Variants in SRGAP3 observed in about 807,000 individuals in gnomAD.
The protein encoded by SRGAP3 is SLIT-ROBO Rho GTPase activating protein 3, also known as SLIT-ROBO Rho GTPase-activating protein 3.
SRGAP3 carries 39 observed loss-of-function variants against 121.1 expected under a neutral mutation model. The observed-to-expected ratio is 0.32, with a 90% CI of 0.25 to 0.42. SRGAP3 has a LOEUF of 0.42. Among genes scored for constraint, SRGAP3 ranks in the 10% least tolerant of loss-of-function variants. The pLI, the probability that SRGAP3 is intolerant of heterozygous loss-of-function variation, is 1.00. For synonymous variants in SRGAP3, 601 were observed against 570.0 expected (o/e 1.05, Z -0.77); for missense variants, 1,213 against 1,470.6 (o/e 0.82, Z 2.86).
intron 1 of SRGAP3, among the ~76,000 whole-genome samples, chr3:9,343,168 A>G (rs1021052077): frequency 6.6e-6 from 1 of 152,238 alleles, no homozygotes. Flanking sequence ...ATGTCCATTA[A>G]CGTAGCTAAA....
intron 3 of SRGAP3, among the ~76,000 whole-genome samples, chr3:9,101,641 C>T (rs2124901856): frequency 6.6e-6 from 1 of 152,300 alleles, no homozygotes; most frequent in Middle Eastern, 3.4e-3. Context: ...GCAGAGTTGC[C>T]GAAAGAGTTG....
intron 5 of SRGAP3, among the ~76,000 whole-genome samples, chr3:9,061,029 CAAG>C (rs1191058671): frequency 6.6e-6 from 1 of 152,186 alleles, no homozygotes; most frequent in Non-Finnish European, 1.5e-5. Context: ...GTTAGGAGAG[CAAG>C]ACCAGCCTGG....
intron 3 of SRGAP3, among the ~76,000 whole-genome samples, chr3:9,299,347 G>A (rs557872515): frequency 2.7e-3 from 384 of 140,740 alleles, no homozygotes; most frequent in Middle Eastern, 7.6e-3. Context: ...GTGGCAGAGC[G>A]AGACTCCGTC....
At chr3:9,001,856 A>C (rs990876924) in intron 18 of SRGAP3, among the ~76,000 whole-genome samples, 8 of 152,194 alleles carry the variant, frequency 5.3e-5, no homozygotes, top group Non-Finnish European at 4.4e-5. Flanking sequence ...TTGATCTATC[A>C]AGATAAAAAC....
intron 18 of SRGAP3, among the ~76,000 whole-genome samples, chr3:8,995,760 A>G (rs1942362661): frequency 6.6e-6 from 1 of 152,210 alleles, no homozygotes; most frequent in Admixed American, 6.5e-5. Flanking sequence ...CTACCCTAAG[A>G]AGTGTCCATA....
chr3:9,102,545 T>C (rs562559547), intron 3 of SRGAP3, among the ~76,000 whole-genome samples: 2 of 152,332 alleles, frequency 1.3e-5, no homozygotes, highest in South Asian at 2.1e-4. Context: ...ACTATTATTA[T>C]GTAAAGAGTG....
chr3:9,016,337 T>G (rs2125041975), intron 14 of SRGAP3, among the ~76,000 whole-genome samples: 1 of 152,350 alleles, frequency 6.6e-6, no homozygotes, highest in Non-Finnish European at 1.5e-5. Flanking sequence ...TTTTGTTTGC[T>G]AGTTTGTTTT....
chr3:9,036,897 C>G (rs2662088), intron 11 of SRGAP3: 1 of 152,066 alleles, frequency 6.6e-6, no homozygotes, highest in Non-Finnish European at 1.5e-5. Context: ...TCTGCCGCCC[C>G]GTGTGCTGGA....
chr3:9,052,983 T>G, intron 9 of SRGAP3, 44 bp downstream of exon 9: 1 of 1,602,764 alleles, frequency 6.2e-7, no homozygotes, highest in Non-Finnish European at 8.5e-7. Flanking sequence ...TCACTGCCAG[T>G]GGCTTGGCCG....
At chr3:9,135,400 GAA>G (rs1462698916) in intron 1 of SRGAP3, among the ~76,000 whole-genome samples, 2 of 152,168 alleles carry the variant, frequency 1.3e-5, no homozygotes, top group Non-Finnish European at 2.9e-5. Flanking sequence ...CTCCCCTCAA[GAA>G]AACATGATGA....
chr3:9,076,974 T>C (rs867778155), intron 4 of SRGAP3, among the ~76,000 whole-genome samples: 11 of 152,190 alleles, frequency 7.2e-5, no homozygotes, highest in Admixed American at 7.2e-4. Flanking sequence ...ATTATTATTA[T>C]TATTATACTT....
chr3:9,165,480 C>G (rs1294166657), intron 1 of SRGAP3, among the ~76,000 whole-genome samples: 1 of 152,242 alleles, frequency 6.6e-6, no homozygotes, highest in Non-Finnish European at 1.5e-5. Flanking sequence ...TTTCCGATTC[C>G]TTTCTGATCT....
intron 3 of SRGAP3, among the ~76,000 whole-genome samples, chr3:9,264,105 A>T (rs984916965): frequency 2.4e-4 from 36 of 152,194 alleles, no homozygotes; most frequent in African/African-American, 8.4e-4. Context: ...CATAAACAGA[A>T]CCAATGACAA....
chr3:9,206,194 T>TA (rs899126703), intron 1 of SRGAP3, among the ~76,000 whole-genome samples: 20 of 151,976 alleles, frequency 1.3e-4, no homozygotes, highest in African/African-American at 4.6e-4. Flanking sequence ...AGAAAAGCTG[T>TA]AAAAAAAATG....
chr3:9,187,692 C>T (rs1352417582), intron 1 of SRGAP3, among the ~76,000 whole-genome samples: 5 of 152,306 alleles, frequency 3.3e-5, no homozygotes, highest in African/African-American at 1.2e-4. Flanking sequence ...CATGCTCTGC[C>T]TCTCTCTCCT....
intron 1 of SRGAP3, among the ~76,000 whole-genome samples, chr3:9,361,075 G>T (rs568842757): frequency 6.6e-6 from 1 of 151,948 alleles, no homozygotes; most frequent in African/African-American, 2.4e-5. Flanking sequence ...CCATCTTTTG[G>T]AGAAATATCT....
At chr3:9,049,991 C>T (rs981650263) in intron 9 of SRGAP3, among the ~76,000 whole-genome samples, 8 of 152,122 alleles carry the variant, frequency 5.3e-5, no homozygotes, top group African/African-American at 1.9e-4. Context: ...AGCCACACAC[C>T]ACCATGGCCA....
chr3:9,144,719 T>C (rs979190333), intron 1 of SRGAP3, among the ~76,000 whole-genome samples: 1 of 152,238 alleles, frequency 6.6e-6, no homozygotes, highest in Admixed American at 6.5e-5. Context: ...TCCCCAGCCA[T>C]GTGGAACTGT....
At chr3:9,011,677 C>A (rs562749761) in intron 17 of SRGAP3, among the ~76,000 whole-genome samples, 6 of 151,158 alleles carry the variant, frequency 4.0e-5, no homozygotes, top group Non-Finnish European at 7.3e-5. Context: ...AGAGCTCCTG[C>A]ACCAGGGGTC....
Sources: allele counts gnomAD v4.1 joint callset (sites outside exome capture counted in the v4.1 genomes callset), GRCh38; gene constraint gnomAD v4.1.1; transcripts MANE v1.5; gene names NCBI Gene and HGNC (gene_info 2026-07-23, HGNC 2026-07-21).